The following BCLAF3 variants were observed in gnomAD, a reference collection of about 807,000 sequenced individuals.
BCLAF3 encodes the protein transient octamer binding factor 1.
Under a neutral mutation model 51.2 loss-of-function variants are expected in BCLAF3, and 24 were observed. The observed-to-expected ratio is 0.47, with a 90% confidence interval of 0.34 to 0.66. The LOEUF (loss-of-function observed/expected upper bound fraction) is 0.66, where lower values mean the gene tolerates loss of function less well. Among genes scored for constraint, BCLAF3 ranks in the 30% least tolerant of loss-of-function variants. The pLI, the probability that BCLAF3 is intolerant of heterozygous loss-of-function variation, is 0.01. For synonymous variants in BCLAF3, 152 were observed against 176.6 expected (o/e 0.86, Z 1.10); for missense variants, 465 against 525.1 (o/e 0.89, Z 1.12).
intron 1 of BCLAF3, among the ~76,000 whole-genome samples, chrX:19,986,088 T>C (rs1241315711): frequency 5.4e-5 from 6 of 110,925 alleles, no homozygotes; most frequent in African/African-American, 2.0e-4. Flanking sequence ...AACCATTAGA[T>C]AACTTAAGGA....
intron 10 of BCLAF3, among the ~76,000 whole-genome samples, chrX:19,931,306 T>C (rs1458547660): frequency 2.7e-5 from 3 of 111,093 alleles, no homozygotes; most frequent in African/African-American, 9.8e-5. Flanking sequence ...CCTCCCTCAC[T>C]CCCCCATATC....
intron 8 of BCLAF3, among the ~76,000 whole-genome samples, chrX:19,938,072 T>C (rs924419298): frequency 2.7e-5 from 3 of 111,350 alleles, no homozygotes; most frequent in African/African-American, 9.8e-5. Flanking sequence ...CCCGTCATCA[T>C]GAGGTACTGA....
At chrX:19,984,011 G>A (rs138391461) in intron 1 of BCLAF3, among the ~76,000 whole-genome samples, 2,412 of 100,006 alleles carry the variant, frequency 0.024, 37 homozygotes, top group Non-Finnish European at 0.035. Context: ...GGCGGAAGTT[G>A]CAGTGAGCCG....
chrX:19,940,731 A>G (rs1342966113), intron 8 of BCLAF3, among the ~76,000 whole-genome samples: 2 of 107,861 alleles, frequency 1.9e-5, no homozygotes, highest in African/African-American at 6.8e-5. Context: ...CAATAAACAT[A>G]CGTGTGCATG....
chrX:19,917,005 TTCTC>T lies in BCLAF3; in HGVS notation c.*296_*299del, dbSNP rs751931011. 8 of 280,188 alleles carry T rather than the reference TTCTC, an allele frequency of 2.9e-5. No homozygotes were observed. The highest frequency in any genetic ancestry group is 1.5e-4 in the East Asian group (2 of 13,375). 23.1% of individuals were successfully genotyped at this position (280,188 alleles called of 1,213,427 possible). A position where few individuals can be genotyped will look rare whatever the true frequency, so the allele number is the denominator to read the frequency against. ...AACGTCTGAATATTACTTGGTGAAG[TTCTC>T]TCTATGAAACCATGCTCAGAGAAAA... is the stretch of plus-strand genomic sequence containing the variant. On this transcript the variant is annotated 3_prime_UTR_variant, in exon 12 of 12. Transcript: ENST00000379682.
At chrX:19,972,556 T>C (rs2072293108) in intron 1 of BCLAF3, among the ~76,000 whole-genome samples, 1 of 112,195 alleles carries the variant, frequency 8.9e-6, no homozygotes, top group African/African-American at 3.2e-5. Flanking sequence ...TTCAATGTTT[T>C]TTAGTATATT....
intron 8 of BCLAF3, among the ~76,000 whole-genome samples, chrX:19,945,976 A>G (rs12840009): frequency 1.9e-5 from 2 of 106,993 alleles, no homozygotes; most frequent in African/African-American, 7.0e-5. Context: ...TAGTCTCGTG[A>G]TGCGCCGTTT....
rs986491140 is a variant in BCLAF3 at position 19,966,789 on chromosome X, C to T, written c.42-140G>A. On this transcript the variant is annotated intron_variant, in intron 2 of 11. Transcript: ENST00000379682. ...TAAATTCATCAATTTGCTACATCTG[C>T]ATTCTAAATTGTACATCTGGGGGTC... 6 of 497,057 alleles carry T rather than the reference C, an allele frequency of 1.2e-5. No homozygotes were observed. The African/African-American group carries it at 1.2e-4, about 10-fold the overall frequency. 41.0% of individuals were successfully genotyped at this position (497,057 alleles called of 1,213,427 possible). A position where few individuals can be genotyped will look rare whatever the true frequency, so the allele number is the denominator to read the frequency against.
chrX:19,935,719 C>T (rs2070732422), intron 10 of BCLAF3, 90 bp downstream of exon 10: 2 of 738,561 alleles, frequency 2.7e-6, no homozygotes, highest in African/African-American at 4.2e-5. Flanking sequence ...AAGCATATTA[C>T]AAAACAGCTC....
chrX:19,961,791 T>C (rs1469253848), intron 4 of BCLAF3, among the ~76,000 whole-genome samples: 5 of 112,411 alleles, frequency 4.4e-5, no homozygotes, highest in Non-Finnish European at 9.4e-5. Flanking sequence ...GCTCAGTTAT[T>C]TATTTTTCAG....
At chrX:19,972,008 A>C (rs1440370422) in intron 1 of BCLAF3, among the ~76,000 whole-genome samples, 1 of 112,335 alleles carries the variant, frequency 8.9e-6, no homozygotes, top group Non-Finnish European at 1.9e-5. Flanking sequence ...AAAGCATATC[A>C]AGTCAAAGAA....
Position 19,917,030 on chromosome X carries a change from GA to G in BCLAF3, c.*274del. The G allele has an allele frequency of 3.0e-6, 1 of 329,208 alleles. No individual in the cohort carries two copies. The highest frequency in any genetic ancestry group is 5.3e-5 in the South Asian group (1 of 18,912). 27.1% of individuals were successfully genotyped at this position (329,208 alleles called of 1,213,427 possible). ...TTCTCTCTATGAAACCATGCTCAGAGAAAAATGCATCAACAAATAATGCCCT... is the reference window on the plus strand; with the variant it reads ...TTCTCTCTATGAAACCATGCTCAGAGAAAATGCATCAACAAATAATGCCCT... On this transcript the variant is annotated 3_prime_UTR_variant, in exon 12 of 12. Coordinates refer to ENST00000379682, the MANE Select transcript of BCLAF3 (RefSeq NM_001367774.2).
At chrX:19,969,779 A>T (rs2072195053) in intron 2 of BCLAF3, among the ~76,000 whole-genome samples, 1 of 111,850 alleles carries the variant, frequency 8.9e-6, no homozygotes, top group Non-Finnish European at 1.9e-5. Flanking sequence ...ATGATACATA[A>T]TTTTGATACT....
intron 11 of BCLAF3, among the ~76,000 whole-genome samples, chrX:19,919,312 G>A (rs188593630): frequency 0.014 from 1,516 of 112,028 alleles, 9 homozygotes; most frequent in Middle Eastern, 0.018. Flanking sequence ...AACCATCTGT[G>A]AAGTTAAGCT....
chrX:19,989,505 T>C (rs183238651), intron 1 of BCLAF3, among the ~76,000 whole-genome samples: 1 of 112,054 alleles, frequency 8.9e-6, no homozygotes, highest in East Asian at 2.8e-4. Flanking sequence ...TAATCATAGA[T>C]ATGCGGACTT....
chrX:19,919,741 C>T (rs1326956873), intron 11 of BCLAF3, among the ~76,000 whole-genome samples: 1 of 106,460 alleles, frequency 9.4e-6, no homozygotes, highest in African/African-American at 3.4e-5. Flanking sequence ...CCTGTAATCC[C>T]AGCTACTCAG....
At chrX:19,988,792 T>C (rs938734801) in intron 1 of BCLAF3, among the ~76,000 whole-genome samples, 2 of 111,744 alleles carry the variant, frequency 1.8e-5, no homozygotes, top group African/African-American at 6.5e-5. Flanking sequence ...AGTGACTTGT[T>C]CAAGATAATC....
At chrX:19,927,480 T>C (rs1156670371) in intron 11 of BCLAF3, among the ~76,000 whole-genome samples, 2 of 112,164 alleles carry the variant, frequency 1.8e-5, no homozygotes, top group Non-Finnish European at 3.8e-5. Flanking sequence ...TGTAAGTATT[T>C]AAGAAAACAT....
chrX:19,925,868 CT>C (rs1338031592), intron 11 of BCLAF3, among the ~76,000 whole-genome samples: 1 of 111,879 alleles, frequency 8.9e-6, no homozygotes, highest in African/African-American at 3.2e-5. Flanking sequence ...CCAAGTTAGT[CT>C]CAGGTATCTT....
Sources: gnomAD v4.1 joint callset for allele counts (sites outside exome capture counted in the v4.1 genomes callset) on GRCh38, gnomAD v4.1.1 for gene constraint, MANE v1.5 for transcripts, NCBI Gene and HGNC (gene_info 2026-07-23, HGNC 2026-07-21) for gene names.